Variants in SOX6 observed in about 807,000 individuals in gnomAD.
SOX6 encodes SRY-box transcription factor 6.
A neutral mutation model predicts 97.8 loss-of-function variants in SOX6; 11 were observed. The observed-to-expected ratio is 0.11, with a 90% CI of 0.07 to 0.19. The LOEUF is 0.19. Ranked by LOEUF, SOX6 falls within the 10% of genes least tolerant of loss-of-function variation. The pLI is 1.00. For synonymous variants in SOX6, 360 were observed against 371.4 expected (o/e 0.97, Z 0.35); for missense variants, 810 against 1,039.5 (o/e 0.78, Z 3.04).
chr11:16,503,770 C>G (rs1006109060), intron 4 of SOX6, among the ~76,000 whole-genome samples: 1 of 152,104 alleles, frequency 6.6e-6, no homozygotes, highest in Non-Finnish European at 1.5e-5. Context: ...ATCGGTTGGG[C>G]ACGGTGGCTC....
intron 1 of SOX6, chr11:16,736,592 G>C (rs1287983469): frequency 6.6e-6 from 1 of 152,130 alleles, no homozygotes; most frequent in South Asian, 2.1e-4. Context: ...TCTTATTTCA[G>C]AAATCTTTTA....
At chr11:16,145,365 C>T (rs1850263598) in intron 6 of SOX6, among the ~76,000 whole-genome samples, 1 of 152,090 alleles carries the variant, frequency 6.6e-6, no homozygotes. Flanking sequence ...ATAATAAGAG[C>T]TATTTATGAC....
At chr11:16,585,336 C>G (rs1311931982) in intron 4 of SOX6, among the ~76,000 whole-genome samples, 1 of 152,134 alleles carries the variant, frequency 6.6e-6, no homozygotes, top group Non-Finnish European at 1.5e-5. Flanking sequence ...CTTATGTGTG[C>G]CAAGCACTGT....
chr11:16,727,290 CTTTTTTTTTTTT>C (rs557437543), intron 2 of SOX6, among the ~76,000 whole-genome samples: 1 of 92,978 alleles, frequency 1.1e-5, no homozygotes, highest in East Asian at 3.2e-4. Flanking sequence ...ATTCACCTTG[CTTTTTTTTTTTT>C]TTTTTTTTTT....
intron 3 of SOX6, among the ~76,000 whole-genome samples, chr11:16,706,524 A>ATATATATATATG (rs1848137928): frequency 9.9e-6 from 1 of 100,654 alleles, no homozygotes; most frequent in Non-Finnish European, 1.8e-5. Flanking sequence ...ATATATATAT[A>ATATATATATATG]GTGTAAGACG....
intron 3 of SOX6, among the ~76,000 whole-genome samples, chr11:16,280,303 G>A (rs1052925867): frequency 1.3e-5 from 2 of 151,658 alleles, no homozygotes; most frequent in African/African-American, 2.4e-5. Context: ...TTTGTGAGAA[G>A]GGAATGACTC....
intron 3 of SOX6, among the ~76,000 whole-genome samples, chr11:16,702,745 C>G (rs938388758): frequency 6.6e-6 from 1 of 151,992 alleles, no homozygotes; most frequent in African/African-American, 2.4e-5. Flanking sequence ...TCCTGAGTCC[C>G]AAATCTTCTG....
At chr11:16,199,221 T>C (rs1590020967) in intron 4 of SOX6, among the ~76,000 whole-genome samples, 1 of 152,076 alleles carries the variant, frequency 6.6e-6, no homozygotes, top group East Asian at 1.9e-4. Context: ...TCACCAGCCA[T>C]CCCCACTGTT....
At chr11:16,413,860 C>T (rs1209530882) in intron 1 of SOX6, among the ~76,000 whole-genome samples, 1 of 152,044 alleles carries the variant, frequency 6.6e-6, no homozygotes, top group Non-Finnish European at 1.5e-5. Context: ...AAAAGTCTAA[C>T]ATTTTTTGGC....
chr11:16,446,913 CTTCT>C (rs1233515599), intron 1 of SOX6, among the ~76,000 whole-genome samples: 40 of 145,332 alleles, frequency 2.8e-4, no homozygotes, highest in African/African-American at 9.1e-4. Flanking sequence ...TCCTTCTTTC[CTTCT>C]TTCTTTCTTT....
chr11:16,721,571 CCTCCCTCCCT>C (rs1848265375), intron 2 of SOX6, among the ~76,000 whole-genome samples: 3 of 21,970 alleles, frequency 1.4e-4, no homozygotes, highest in Non-Finnish European at 2.9e-4. Flanking sequence ...TCCCTCCCTC[CCTCCCTCCCT>C]CTCTCTCTCT....
At chr11:16,174,261 T>A (rs903309786) in intron 6 of SOX6, among the ~76,000 whole-genome samples, 1 of 151,874 alleles carries the variant, frequency 6.6e-6, no homozygotes, top group Non-Finnish European at 1.5e-5. Flanking sequence ...CATACATGTA[T>A]CAAAAGTTAG....
chr11:16,703,598 TGTA>T (rs1848110287), intron 3 of SOX6, among the ~76,000 whole-genome samples: 2 of 152,312 alleles, frequency 1.3e-5, no homozygotes, highest in East Asian at 3.9e-4. Context: ...TCCGGAATGC[TGTA>T]AAACAACAAT....
rs1422552075 is a variant in SOX6, at chr11:16,186,851, T to G, written c.640A>C (p.Lys214Gln). 1.9e-5 allele frequency: 30 copies of G among 1,613,674 alleles called. No individual in the cohort carries two copies. Among genetic ancestry groups the G allele is most frequent in the Non-Finnish European group, 2.4e-5 (28 of 1,179,842 alleles). ...TTCTCAATTTGTGACGCTGCCAGTTTTTTCTGTTCATCATGCGCTGCCAGT... is the reference window on the plus strand; with the variant it reads ...TTCTCAATTTGTGACGCTGCCAGTTGTTTCTGTTCATCATGCGCTGCCAGT... ...QLLAAHDEQK[K>Q]LAASQIEKQR... Residue 214 changes from lysine to glutamine, a missense_variant, in exon 5 of 16, where the codon AAA (lysine) becomes CAA (glutamine). Lys to Gln is a moderately conservative substitution (Grantham distance 53, BLOSUM62 1). Transcript: ENST00000683767.
chr11:16,606,418 T>C (rs1256540498), intron 4 of SOX6, among the ~76,000 whole-genome samples: 1 of 152,018 alleles, frequency 6.6e-6, no homozygotes, highest in Non-Finnish European at 1.5e-5. Flanking sequence ...CGCCTAGCGG[T>C]CCCATCTGAA....
intron 6 of SOX6, among the ~76,000 whole-genome samples, chr11:16,153,296 C>A (rs888046320): frequency 1.3e-5 from 2 of 152,172 alleles, no homozygotes; most frequent in Admixed American, 1.3e-4. Flanking sequence ...GCAGGAGTCA[C>A]TGCACCTGGC....
chr11:16,107,046 C>T (rs1379608544), intron 7 of SOX6, among the ~76,000 whole-genome samples: 1 of 151,952 alleles, frequency 6.6e-6, no homozygotes, highest in African/African-American at 2.4e-5. Context: ...TACCACTTCA[C>T]ACCTACTGGG....
chr11:16,409,077 T>A (rs767504877), intron 1 of SOX6, among the ~76,000 whole-genome samples: 3 of 152,140 alleles, frequency 2.0e-5, no homozygotes, highest in Non-Finnish European at 2.9e-5. Context: ...TTTAACACCT[T>A]CTCTGATGAT....
intron 6 of SOX6, among the ~76,000 whole-genome samples, chr11:16,173,602 A>G (rs1851099292): frequency 8.1e-6 from 1 of 124,032 alleles, no homozygotes; most frequent in South Asian, 3.1e-4. Flanking sequence ...AAACTACTAG[A>G]AAAGTGTTTG....
Sources: allele counts gnomAD v4.1 joint callset (sites outside exome capture counted in the v4.1 genomes callset), GRCh38; gene constraint gnomAD v4.1.1; transcripts MANE v1.5; gene names NCBI Gene and HGNC (gene_info 2026-07-23, HGNC 2026-07-21).